The following FAM107B variants were observed in gnomAD, a reference collection of about 807,000 sequenced individuals.
The protein encoded by FAM107B is family with sequence similarity 107 member B, also known as protein FAM107B.
In FAM107B, 21 loss-of-function variants were observed where a neutral mutation model predicts 31.5. The ratio of observed to expected loss-of-function variants is 0.67; its 90% CI spans 0.47 to 0.96. The LOEUF is 0.96. Among genes scored for constraint, FAM107B ranks in the 40% least tolerant of loss-of-function variants. The probability of loss-of-function intolerance (pLI) is 0.00; values close to 1 mark genes in which losing one functional copy is unlikely to be tolerated. For synonymous variants in FAM107B, 157 were observed against 141.5 expected, an observed-to-expected ratio of 1.11 and a Z score of -0.78; for missense variants, 452 against 377.1, an observed-to-expected ratio of 1.20 and a Z score of -1.64.
chr10:14,772,539 C>A (rs1413590649), intron 1 of FAM107B, among the ~76,000 whole-genome samples: 6 of 152,032 alleles, frequency 3.9e-5, no homozygotes, highest in Admixed American at 2.0e-4. Flanking sequence ...CACCTCCTGG[C>A]ACTTGATTTC....
intron 2 of FAM107B, among the ~76,000 whole-genome samples, chr10:14,596,666 T>C (rs1483309326): frequency 6.6e-6 from 1 of 152,192 alleles, no homozygotes; most frequent in Non-Finnish European, 1.5e-5. Context: ...ATGACTTCTA[T>C]GACACCTCCC....
intron 2 of FAM107B, among the ~76,000 whole-genome samples, chr10:14,630,405 C>T (rs1175274834): frequency 6.6e-6 from 1 of 151,360 alleles, no homozygotes; most frequent in South Asian, 2.1e-4. Flanking sequence ...AGAATCCCAA[C>T]AAACAAGAAA....
intron 2 of FAM107B, among the ~76,000 whole-genome samples, chr10:14,630,648 A>T (rs993929153): frequency 5.3e-5 from 8 of 151,698 alleles, no homozygotes; most frequent in Non-Finnish European, 1.5e-5. Flanking sequence ...ACTCTAAAAT[A>T]AAAATACCCC....
intron 2 of FAM107B, among the ~76,000 whole-genome samples, chr10:14,550,561 C>T (rs777076171): frequency 1.3e-5 from 2 of 152,204 alleles, no homozygotes; most frequent in African/African-American, 2.4e-5. Flanking sequence ...AGGGAAAGAA[C>T]AGAAAAAGGT....
chr10:14,685,406 C>T (rs887885894), intron 1 of FAM107B, among the ~76,000 whole-genome samples: 1 of 152,118 alleles, frequency 6.6e-6, no homozygotes, highest in Non-Finnish European at 1.5e-5. Flanking sequence ...ACCTAGGCCT[C>T]CCTCCAAAAG....
At chr10:14,679,499 T>C (rs1854774844) in intron 1 of FAM107B, among the ~76,000 whole-genome samples, 1 of 152,208 alleles carries the variant, frequency 6.6e-6, no homozygotes, top group South Asian at 2.1e-4. Context: ...GTGATGTATG[T>C]AAAACTACTT....
At chr10:14,621,226 G>A (rs1228443984) in intron 2 of FAM107B, among the ~76,000 whole-genome samples, 2 of 152,158 alleles carry the variant, frequency 1.3e-5, no homozygotes, top group Non-Finnish European at 2.9e-5. Flanking sequence ...CACAGCCAGT[G>A]AGGAGAGTGA....
intron 1 of FAM107B, 25 bp downstream of exon 1, chr10:14,774,228 A>G (rs373019702): frequency 3.4e-5 from 53 of 1,581,218 alleles, no homozygotes; most frequent in Middle Eastern, 3.4e-4. Context: ...TCCCGTCTAT[A>G]ATCGCAGAGC....
intron 1 of FAM107B, among the ~76,000 whole-genome samples, chr10:14,728,395 A>G (rs1856086459): frequency 6.6e-6 from 1 of 151,794 alleles, no homozygotes; most frequent in Non-Finnish European, 1.5e-5. Flanking sequence ...TATTTTTGAA[A>G]ATAAAGCCAG....
intron 1 of FAM107B, among the ~76,000 whole-genome samples, chr10:14,746,483 G>A (rs188322187): frequency 6.6e-6 from 1 of 152,322 alleles, no homozygotes; most frequent in East Asian, 1.9e-4. Flanking sequence ...TTGCAAGGCA[G>A]GCCTGGTGGT....
At position 14,533,429 on chromosome 10, in the gene FAM107B, G is replaced by C. The variant is rs540859949; in HGVS notation, c.470-2914C>G. ...GAGGCTGAAAGAGCAAGTGGATCTA[G>C]GACGTGTCGAGTCTGAGACGTCTGA... is the stretch of plus-strand genomic sequence containing the variant. On this transcript the variant is annotated intron_variant, in intron 2 of 4. Transcript: ENST00000181796. Among the ~76,000 whole-genome samples, 24 of 152,282 alleles carry C rather than the reference G, an allele frequency of 1.6e-4. 1 individual carries two copies. In the South Asian group the frequency reaches 5.0e-3, roughly 32 times the overall value.
intron 1 of FAM107B, among the ~76,000 whole-genome samples, chr10:14,692,632 T>C (rs1169223381): frequency 6.6e-6 from 1 of 152,254 alleles, no homozygotes; most frequent in African/African-American, 2.4e-5. Context: ...CGTCTCAGCA[T>C]GACTATTAAT....
intron 2 of FAM107B, chr10:14,612,580 T>C (rs1468411422): frequency 6.6e-6 from 1 of 152,248 alleles, no homozygotes; most frequent in Admixed American, 6.5e-5. Flanking sequence ...GACAGGCACC[T>C]GCTTTTCTCA....
At chr10:14,591,646 T>C (rs926007030) in intron 2 of FAM107B, among the ~76,000 whole-genome samples, 1 of 152,038 alleles carries the variant, frequency 6.6e-6, no homozygotes, top group African/African-American at 2.4e-5. Flanking sequence ...GATGAGGAAA[T>C]GAAAGGGTCA....
At chr10:14,705,711 T>G (rs12781698) in intron 1 of FAM107B, among the ~76,000 whole-genome samples, 39,472 of 151,486 alleles carry the variant, frequency 0.26, 5,585 homozygotes, top group Middle Eastern at 0.41. Context: ...AAGGGCTAGG[T>G]GGAGAAGAAA....
intron 1 of FAM107B, among the ~76,000 whole-genome samples, chr10:14,732,350 G>A (rs1389727723): frequency 2.6e-5 from 4 of 152,294 alleles, no homozygotes; most frequent in Non-Finnish European, 5.9e-5. Flanking sequence ...TGTCAGGGAG[G>A]CAGTGCCGTG....
intron 2 of FAM107B, 85 bp from the exon 3 acceptor site, chr10:14,530,600 A>G (rs561683986): frequency 7.7e-7 from 1 of 1,305,284 alleles, no homozygotes; most frequent in East Asian, 2.3e-5. Flanking sequence ...AGCTGTGCTC[A>G]GTATGCTAAC....
intron 1 of FAM107B, chr10:14,723,220 G>A (rs780446432): frequency 7.8e-5 from 41 of 527,798 alleles, no homozygotes; most frequent in Non-Finnish European, 1.4e-4. Flanking sequence ...AGCAGTGGGA[G>A]CCACAGATCA....
At chr10:14,730,204 A>G (rs752705733) in intron 1 of FAM107B, among the ~76,000 whole-genome samples, 1 of 152,224 alleles carries the variant, frequency 6.6e-6, no homozygotes, top group Non-Finnish European at 1.5e-5. Flanking sequence ...TTTAAGTAAA[A>G]TAAATTTTAA....
Sources: allele counts gnomAD v4.1 joint callset (sites outside exome capture counted in the v4.1 genomes callset), GRCh38; gene constraint gnomAD v4.1.1; transcripts MANE v1.5; gene names NCBI Gene and HGNC (gene_info 2026-07-23, HGNC 2026-07-21).